SCAPER: variants seen among roughly 807,000 people sequenced by gnomAD.
SCAPER encodes S-phase cyclin A associated protein in the ER.
A neutral mutation model predicts 182.2 loss-of-function variants in SCAPER; 98 were observed. That is an observed-to-expected ratio of 0.54 (90% CI 0.46 to 0.64). SCAPER has a LOEUF of 0.64. Ranked by LOEUF, SCAPER falls within the 30% of genes least tolerant of loss-of-function variation. The pLI, the probability that SCAPER is intolerant of heterozygous loss-of-function variation, is 0.00. For missense variants in SCAPER, 1,432 were observed against 1,690.0 expected, an observed-to-expected ratio of 0.85 and a Z score of 2.68; for synonymous variants, 605 against 564.6, an observed-to-expected ratio of 1.07 and a Z score of -1.01.
intron 22 of SCAPER, among the ~76,000 whole-genome samples, chr15:76,614,900 C>T (rs139043976): frequency 7.0e-4 from 106 of 152,174 alleles, no homozygotes; most frequent in African/African-American, 2.4e-3. Context: ...ATACTAATTG[C>T]TAAATTCAGA....
chr15:76,407,882 T>C (rs1175758892), intron 26 of SCAPER, among the ~76,000 whole-genome samples: 3 of 152,182 alleles, frequency 2.0e-5, no homozygotes, highest in African/African-American at 7.2e-5. Context: ...CAATCCTATC[T>C]GTCCACACCC....
intron 1 of SCAPER, among the ~76,000 whole-genome samples, chr15:76,899,633 ATG>A (rs1226156557): frequency 2.0e-5 from 3 of 152,000 alleles, no homozygotes; most frequent in Non-Finnish European, 4.4e-5. Context: ...ATCGTCTGGG[ATG>A]TGAGGAGCCC....
At chr15:76,516,570 T>A (rs1019871914) in intron 23 of SCAPER, among the ~76,000 whole-genome samples, 1 of 152,210 alleles carries the variant, frequency 6.6e-6, no homozygotes, top group African/African-American at 2.4e-5. Flanking sequence ...CTGCATAGTA[T>A]TCCATGGTAT....
At chr15:76,841,139 C>G (rs2069437602) in intron 5 of SCAPER, among the ~76,000 whole-genome samples, 1 of 152,036 alleles carries the variant, frequency 6.6e-6, no homozygotes, top group African/African-American at 2.4e-5. Flanking sequence ...CCTTTGATTC[C>G]CTGCCCAGAA....
At chr15:76,574,701 T>C (rs55903433) in intron 22 of SCAPER, among the ~76,000 whole-genome samples, 12,596 of 152,236 alleles carry the variant, frequency 0.083, 596 homozygotes, top group Middle Eastern at 0.12. Context: ...TCTCAGAATG[T>C]TGAACTTCCA....
chr15:76,351,860 CTT>C (rs1211031189), intron 30 of SCAPER, among the ~76,000 whole-genome samples: 23 of 152,090 alleles, frequency 1.5e-4, no homozygotes, highest in African/African-American at 4.8e-4. Context: ...TAGAAAAACA[CTT>C]GATTTAACTC....
intron 25 of SCAPER, among the ~76,000 whole-genome samples, chr15:76,455,890 G>A (rs1323537008): frequency 1.3e-5 from 2 of 152,036 alleles, no homozygotes; most frequent in Non-Finnish European, 2.9e-5. Context: ...TAATCTCATT[G>A]TTCAACTCCC....
At chr15:76,583,350 CA>C (rs35851130) in intron 22 of SCAPER, among the ~76,000 whole-genome samples, 27,226 of 105,212 alleles carry the variant, frequency 0.26, 2,300 homozygotes, top group African/African-American at 0.35. Context: ...GACTCCATCT[CA>C]AAAAAAAAAA....
At chr15:76,686,109 A>G (rs929779303) in intron 20 of SCAPER, among the ~76,000 whole-genome samples, 4 of 152,096 alleles carry the variant, frequency 2.6e-5, no homozygotes, top group Non-Finnish European at 5.9e-5. Context: ...CCTAATAGAT[A>G]TAAGAATATG....
chr15:76,393,047 T>C (rs2043815938), intron 27 of SCAPER, among the ~76,000 whole-genome samples: 1 of 152,210 alleles, frequency 6.6e-6, no homozygotes, highest in African/African-American at 2.4e-5. Flanking sequence ...ACTGTACCAA[T>C]GAAGTTGTCA....
At chr15:76,807,516 T>TTTTTTTA (rs1266413898) in intron 5 of SCAPER, among the ~76,000 whole-genome samples, 1 of 151,174 alleles carries the variant, frequency 6.6e-6, no homozygotes, top group Non-Finnish European at 1.5e-5. Flanking sequence ...CATTATTTAT[T>TTTTTTTA]TTTTTTATTT....
chr15:76,832,403 T>C (rs192550653), intron 5 of SCAPER, among the ~76,000 whole-genome samples: 91 of 152,302 alleles, frequency 6.0e-4, no homozygotes, highest in Non-Finnish European at 1.3e-3. Context: ...AGACTGCTCT[T>C]TCAAATCAGT....
intron 23 of SCAPER, among the ~76,000 whole-genome samples, chr15:76,508,066 GC>G (rs2041742798): frequency 5.3e-5 from 8 of 151,122 alleles, no homozygotes; most frequent in Admixed American, 5.3e-4. Flanking sequence ...TATCCCTTGT[GC>G]CCATCTTATT....
At chr15:76,738,799 AAATAT>A (rs2061407028) in intron 15 of SCAPER, among the ~76,000 whole-genome samples, 1 of 152,154 alleles carries the variant, frequency 6.6e-6, no homozygotes, top group Admixed American at 6.5e-5. Flanking sequence ...TCACCATAAT[AAATAT>A]AATAATTAAA....
intron 27 of SCAPER, among the ~76,000 whole-genome samples, chr15:76,403,184 G>C (rs2044588851): frequency 6.6e-6 from 1 of 152,212 alleles, no homozygotes; most frequent in African/African-American, 2.4e-5. Context: ...AACTAGCTGG[G>C]CAGCATGGTG....
At chr15:76,820,830 T>C (rs988993161) in intron 5 of SCAPER, among the ~76,000 whole-genome samples, 1 of 151,410 alleles carries the variant, frequency 6.6e-6, no homozygotes. Flanking sequence ...TAACAGACAC[T>C]TCACCAAAGA....
chr15:76,705,817 A>T, intron 18 of SCAPER, 86 bp downstream of exon 18: 1 of 845,502 alleles, frequency 1.2e-6, no homozygotes, highest in Non-Finnish European at 1.8e-6. Context: ...AATACAAATT[A>T]ATTCAATTTT....
At chr15:76,883,658 T>C (rs531330990) in intron 2 of SCAPER, among the ~76,000 whole-genome samples, 154 bp downstream of exon 2, 79 of 152,230 alleles carry the variant, frequency 5.2e-4, no homozygotes, top group Admixed American at 2.2e-3. Context: ...GGTTGAATAG[T>C]ACATTCATAG....
At chr15:76,523,722 C>CT (rs1243033418) in intron 23 of SCAPER, among the ~76,000 whole-genome samples, 3 of 151,796 alleles carry the variant, frequency 2.0e-5, no homozygotes, top group African/African-American at 4.8e-5. Flanking sequence ...TAACGGTTTA[C>CT]TTTTTTTTGA....
Sources: gnomAD v4.1 joint callset for allele counts (sites outside exome capture counted in the v4.1 genomes callset) on GRCh38, gnomAD v4.1.1 for gene constraint, MANE v1.5 for transcripts, NCBI Gene and HGNC (gene_info 2026-07-23, HGNC 2026-07-21) for gene names.